The following PKHD1 variants were observed in gnomAD, a reference collection of about 807,000 sequenced individuals.
PKHD1 encodes the protein fibrocystin.
A neutral mutation model predicts 412.0 loss-of-function variants in PKHD1; 291 were observed. The ratio of observed to expected loss-of-function variants is 0.71; its 90% CI spans 0.64 to 0.78. PKHD1 has a LOEUF of 0.78. Ranked by LOEUF, PKHD1 falls within the 30% of genes least tolerant of loss-of-function variation. PKHD1 has a pLI of 0.00. For missense variants in PKHD1, 4,825 were observed against 4,950.7 expected (o/e 0.97, Z 0.76); for synonymous variants, 1,777 against 1,821.5 (o/e 0.98, Z 0.62).
At chr6:51,888,869 G>A (rs532151745) in intron 43 of PKHD1, among the ~76,000 whole-genome samples, 4 of 150,064 alleles carry the variant, frequency 2.7e-5, no homozygotes, top group Admixed American at 6.7e-5. Context: ...GAGAAAAATC[G>A]GGGCCCTATC....
In PKHD1 at chr6:51,910,739, G is replaced by GTT. The variant is rs1319352424; in HGVS notation, c.6490+1059_6490+1060insAA. ...ATGTAGATCCCAATTCTGCAGAATTGATAAAGTTGGGCAGTTGATGGAAGT... is the reference window on the plus strand; with the variant it reads ...ATGTAGATCCCAATTCTGCAGAATTGTTATAAAGTTGGGCAGTTGATGGAAGT... On this transcript the variant is annotated intron_variant, in intron 39 of 66. Transcript: ENST00000371117. Among the ~76,000 whole-genome samples the GTT allele has an allele frequency of 1.9e-3, 294 of 152,178 alleles. 1 individual carries two copies. Among genetic ancestry groups the GTT allele is most frequent in the African/African-American group, 6.7e-3 (278 of 41,550 alleles).
chr6:51,920,765 G>A (rs1401703169), intron 37 of PKHD1, among the ~76,000 whole-genome samples: 2 of 152,072 alleles, frequency 1.3e-5, no homozygotes, highest in African/African-American at 4.8e-5. Flanking sequence ...ACTTTTTTTG[G>A]TTGGTAAGCT....
intron 55 of PKHD1, among the ~76,000 whole-genome samples, chr6:51,764,482 C>A (rs941629015): frequency 1.4e-4 from 20 of 146,268 alleles, no homozygotes; most frequent in African/African-American, 4.7e-4. Flanking sequence ...TAAACTAGTT[C>A]AACCATTGTG....
At chr6:51,778,005 G>T (rs1396799651) in intron 53 of PKHD1, among the ~76,000 whole-genome samples, 1 of 152,088 alleles carries the variant, frequency 6.6e-6, no homozygotes, top group African/African-American at 2.4e-5. Flanking sequence ...AGAAGGCAAA[G>T]GTGACCTAAG....
At chr6:51,925,824 T>C (rs1450139494) in intron 37 of PKHD1, among the ~76,000 whole-genome samples, 1 of 151,892 alleles carries the variant, frequency 6.6e-6, no homozygotes, top group East Asian at 1.9e-4. Context: ...CTCTCTCTTT[T>C]TATCTCTCTC....
chr6:51,626,022 T>C (rs1581727559), intron 66 of PKHD1, among the ~76,000 whole-genome samples: 1 of 151,910 alleles, frequency 6.6e-6, no homozygotes, highest in Non-Finnish European at 1.5e-5. Context: ...GATGGGAAAA[T>C]TGAAAAAAAC....
chr6:51,630,293 C>T (rs1197652473), intron 65 of PKHD1, among the ~76,000 whole-genome samples: 2 of 152,132 alleles, frequency 1.3e-5, no homozygotes, highest in Admixed American at 1.3e-4. Flanking sequence ...CTGACTGAGG[C>T]TGGTTTTCTT....
At chr6:51,751,670 C>T (rs1160268704) in intron 57 of PKHD1, among the ~76,000 whole-genome samples, 6 of 152,062 alleles carry the variant, frequency 3.9e-5, no homozygotes, top group Non-Finnish European at 7.4e-5. Flanking sequence ...ATTTTTCATT[C>T]ATATTTATTA....
intron 7 of PKHD1, among the ~76,000 whole-genome samples, chr6:52,073,159 G>A (rs1326647961): frequency 6.6e-6 from 1 of 152,172 alleles, no homozygotes; most frequent in East Asian, 1.9e-4. Context: ...ATTTCAGGCT[G>A]AGAAACAAAG....
intron 52 of PKHD1, among the ~76,000 whole-genome samples, chr6:51,813,187 T>C (rs1329015799): frequency 6.6e-6 from 1 of 152,176 alleles, no homozygotes; most frequent in African/African-American, 2.4e-5. Flanking sequence ...AATAAAACTC[T>C]TCAAATATTT....
intron 36 of PKHD1, among the ~76,000 whole-genome samples, chr6:51,951,444 G>A (rs966273153): frequency 6.6e-6 from 1 of 152,006 alleles, no homozygotes; most frequent in Non-Finnish European, 1.5e-5. Context: ...AGTTCAGTTA[G>A]CACTGACCCA....
chr6:51,808,458 A>G (rs1764182302), intron 52 of PKHD1, among the ~76,000 whole-genome samples: 2 of 152,148 alleles, frequency 1.3e-5, no homozygotes, highest in Non-Finnish European at 2.9e-5. Context: ...AATTAAAATT[A>G]AAAGTAGAGA....
intron 53 of PKHD1, among the ~76,000 whole-genome samples, chr6:51,783,373 T>C (rs996374550): frequency 1.9e-5 from 1 of 52,996 alleles, no homozygotes; most frequent in African/African-American, 4.8e-5. Context: ...TATATAAATT[T>C]ATTATTTTAT....
At chr6:51,999,040 C>T (rs1554186350) in intron 35 of PKHD1, among the ~76,000 whole-genome samples, 2 of 152,128 alleles carry the variant, frequency 1.3e-5, no homozygotes, top group Non-Finnish European at 2.9e-5. Context: ...AAGACAGTAA[C>T]TAAAATAAGC....
chr6:52,061,740 G>A (rs1270380293), intron 14 of PKHD1, among the ~76,000 whole-genome samples: 2 of 151,906 alleles, frequency 1.3e-5, no homozygotes, highest in Non-Finnish European at 2.9e-5. Flanking sequence ...GTCACAGACT[G>A]ACTGAAATTC....
At chr6:51,685,797 T>C (rs144025598) in intron 60 of PKHD1, among the ~76,000 whole-genome samples, 107 of 152,252 alleles carry the variant, frequency 7.0e-4, no homozygotes, top group African/African-American at 2.3e-3. Flanking sequence ...TACCAGGCCA[T>C]GTAAGGACTT....
chr6:52,009,928 C>A (rs960180407), intron 35 of PKHD1, among the ~76,000 whole-genome samples: 1 of 151,922 alleles, frequency 6.6e-6, no homozygotes, highest in South Asian at 2.1e-4. Flanking sequence ...TCCCGCCAAG[C>A]TGAGGACGGC....
chr6:51,903,592 C>T lies in PKHD1; in HGVS notation c.6996+5G>A, dbSNP rs1232218253. 3 of 1,608,878 alleles carry T rather than the reference C, an allele frequency of 1.9e-6. No individual in the cohort carries two copies. The African/African-American group carries it at 4.0e-5, about 22-fold the overall frequency. ...TGGTCTTCCTGGTAGAGCTGAACAT[C>T]TTACCTCTATAACATTGGTGGGACT... On this transcript the variant is annotated splice_donor_5th_base_variant and intron_variant, in intron 43 of 66. Transcript: ENST00000371117.
Position 52,024,623 on chromosome 6 carries a change from G to A in PKHD1, c.5187C>T (p.Ala1729=). ...TAATAACTCTTGAGGTGAACACCAG[G>A]GCAGATGAGGCCCACCCTCTGATGC... is the stretch of plus-strand genomic sequence containing the variant. ...YDCIRGWASS[A]LVFTSRVIIT... is the part of the protein sequence containing the mutation. The change falls in exon 32 of 67, where the codon GCC becomes GCT. Residue 1729 remains alanine (A), a synonymous_variant. Transcript: ENST00000371117. The A allele has an allele frequency of 1.2e-6, 2 of 1,614,154 alleles. No individual in the cohort carries two copies. The highest frequency in any genetic ancestry group is 1.6e-4 in the Middle Eastern group (1 of 6,062).
Sources: gnomAD v4.1 joint callset for allele counts (sites outside exome capture counted in the v4.1 genomes callset) on GRCh38, gnomAD v4.1.1 for gene constraint, MANE v1.5 for transcripts, NCBI Gene and HGNC (gene_info 2026-07-23, HGNC 2026-07-21) for gene names.